Variants in CDK14 observed in about 807,000 individuals in gnomAD.
CDK14 encodes the protein cyclin dependent kinase 14.
In CDK14, 34 loss-of-function variants were observed where a neutral mutation model predicts 60.7. The observed-to-expected ratio is 0.56, with a 90% CI of 0.43 to 0.75. The LOEUF is 0.75. Ranked by LOEUF, CDK14 falls within the 30% of genes least tolerant of loss-of-function variation. The probability of loss-of-function intolerance (pLI) is 0.00; values close to 1 mark genes in which losing one functional copy is unlikely to be tolerated. For synonymous variants in CDK14, 197 were observed against 203.7 expected, an observed-to-expected ratio of 0.97 and a Z score of 0.28; for missense variants, 482 against 564.1, an observed-to-expected ratio of 0.85 and a Z score of 1.47.
chr7:90,710,677 A>AGAGCTG, intron 2 of CDK14: 1 of 413,966 alleles, frequency 2.4e-6, no homozygotes, highest in Non-Finnish European at 3.2e-6. Context: ...GTAGACTATT[A>AGAGCTG]GCATTTTGGA....
At chr7:90,852,394 C>G (rs984353221) in intron 5 of CDK14, among the ~76,000 whole-genome samples, 1 of 152,176 alleles carries the variant, frequency 6.6e-6, no homozygotes, top group Non-Finnish European at 1.5e-5. Context: ...ATAAGTCACT[C>G]TACCCTTTAT....
chr7:91,035,929 T>C (rs113543436), intron 10 of CDK14, among the ~76,000 whole-genome samples: 3,782 of 146,618 alleles, frequency 0.026, 64 homozygotes, highest in South Asian at 0.062. Context: ...CTGCAAGCTC[T>C]GCTTCCCGGG....
intron 14 of CDK14, among the ~76,000 whole-genome samples, chr7:91,119,150 T>C (rs1348137132): frequency 1.3e-5 from 2 of 152,112 alleles, no homozygotes; most frequent in Non-Finnish European, 2.9e-5. Flanking sequence ...TGTGCTGATT[T>C]GTAGAGAAAA....
intron 9 of CDK14, among the ~76,000 whole-genome samples, chr7:90,959,815 G>A (rs539258706): frequency 6.6e-6 from 1 of 152,112 alleles, no homozygotes; most frequent in Non-Finnish European, 1.5e-5. Flanking sequence ...TGTGATTTGG[G>A]AACTCATCAA....
At position 90,828,316 on chromosome 7, in the gene CDK14, C is replaced by T. The variant is rs1584019388; in HGVS notation, c.545-34859C>T. 2.0e-5 allele frequency among the ~76,000 whole-genome samples: 3 copies of T among 152,246 alleles called. No individual in the cohort carries two copies. The East Asian group carries it at 5.8e-4, about 29-fold the overall frequency. On this transcript the variant is annotated intron_variant, in intron 5 of 14. Coordinates refer to ENST00000380050, the MANE Select transcript of CDK14 (RefSeq NM_001287135.2). ...TGGACCCAGCAGTATTCTTCTCTCC[C>T]ACCCATTGACAGATGCTTGACACCA...
At chr7:90,635,211 G>A (rs1800110870) in intron 2 of CDK14, among the ~76,000 whole-genome samples, 1 of 152,188 alleles carries the variant, frequency 6.6e-6, no homozygotes, top group Admixed American at 6.5e-5. Flanking sequence ...CCTTGCCCAT[G>A]CCTATGTCCT....
intron 9 of CDK14, among the ~76,000 whole-genome samples, chr7:90,977,468 A>G (rs1249436302): frequency 1.8e-4 from 2 of 11,072 alleles, no homozygotes; most frequent in South Asian, 0.017. Flanking sequence ...TTTCAGTTCC[A>G]TAATGCTGTC....
chr7:91,112,709 G>A, intron 13 of CDK14, 28 bp downstream of exon 13: 2 of 1,609,216 alleles, frequency 1.2e-6, no homozygotes, highest in Middle Eastern at 1.7e-4. Context: ...ACAACATCCA[G>A]TCCAAGCAGA....
chr7:90,900,501 T>C (rs1250500688), intron 7 of CDK14, among the ~76,000 whole-genome samples: 1 of 152,178 alleles, frequency 6.6e-6, no homozygotes, highest in Non-Finnish European at 1.5e-5. Context: ...AATATTAGTA[T>C]TATAACATGA....
chr7:90,734,005 T>G (rs1031011504), intron 3 of CDK14, among the ~76,000 whole-genome samples: 2 of 152,194 alleles, frequency 1.3e-5, no homozygotes, highest in Non-Finnish European at 2.9e-5. Flanking sequence ...GCAGGCCTGG[T>G]GGTGACAGTG....
intron 14 of CDK14, among the ~76,000 whole-genome samples, chr7:91,139,891 T>G (rs936304061): frequency 9.2e-5 from 14 of 152,028 alleles, no homozygotes; most frequent in African/African-American, 3.4e-4. Context: ...CCTTTCATTT[T>G]TTTCCGTTCA....
chr7:90,931,794 G>GTT, intron 8 of CDK14, among the ~76,000 whole-genome samples: 1 of 152,226 alleles, frequency 6.6e-6, no homozygotes, highest in East Asian at 1.9e-4. Flanking sequence ...GTGTGTGTGT[G>GTT]TGTGTGTTTT....
chr7:90,604,192 G>A (rs1349254374), intron 1 of CDK14, 26 bp from the exon 2 acceptor site: 2 of 1,480,876 alleles, frequency 1.4e-6, no homozygotes, highest in East Asian at 2.4e-5. Flanking sequence ...CACAATAACT[G>A]TTTCCTTTTC....
chr7:91,150,440 T>TC (rs1800799324), intron 14 of CDK14, among the ~76,000 whole-genome samples: 2 of 152,174 alleles, frequency 1.3e-5, no homozygotes, highest in South Asian at 4.1e-4. Context: ...ATTTTTTTTT[T>TC]CCAGATTGGT....
intron 4 of CDK14, among the ~76,000 whole-genome samples, chr7:90,774,755 C>T (rs1449300085): frequency 2.0e-5 from 3 of 152,186 alleles, no homozygotes; most frequent in African/African-American, 7.2e-5. Flanking sequence ...ATAACTTAAA[C>T]TTCAGGGGTG....
intron 4 of CDK14, among the ~76,000 whole-genome samples, chr7:90,782,175 A>G (rs1363442855): frequency 2.6e-5 from 4 of 152,048 alleles, no homozygotes; most frequent in Non-Finnish European, 4.4e-5. Flanking sequence ...TTCTCTTTGA[A>G]GCAATTGTGA....
intron 2 of CDK14, among the ~76,000 whole-genome samples, chr7:90,645,732 T>C (rs1334139559): frequency 6.6e-6 from 1 of 152,200 alleles, no homozygotes; most frequent in Admixed American, 6.5e-5. Context: ...CCAAACAGCC[T>C]TTAACTTCTG....
At chr7:91,120,175 G>A (rs1032138071) in intron 14 of CDK14, among the ~76,000 whole-genome samples, 1 of 152,192 alleles carries the variant, frequency 6.6e-6, no homozygotes, top group Non-Finnish European at 1.5e-5. Flanking sequence ...TTGCAAGGCT[G>A]TGTTCCTCTT....
chr7:90,991,563 G>C (rs766587089), intron 10 of CDK14, among the ~76,000 whole-genome samples: 8 of 152,156 alleles, frequency 5.3e-5, no homozygotes, highest in Non-Finnish European at 1.2e-4. Context: ...AGCGGGTAGG[G>C]GTGGTGGGTT....
Sources: gnomAD v4.1 joint callset for allele counts (sites outside exome capture counted in the v4.1 genomes callset) on GRCh38, gnomAD v4.1.1 for gene constraint, MANE v1.5 for transcripts, NCBI Gene and HGNC (gene_info 2026-07-23, HGNC 2026-07-21) for gene names.